CREB5: variants seen among roughly 807,000 people sequenced by gnomAD.
The protein encoded by CREB5 is cAMP responsive element binding protein 5.
A neutral mutation model predicts 57.1 loss-of-function variants in CREB5; 19 were observed. The ratio of observed to expected loss-of-function variants is 0.33; its 90% CI spans 0.23 to 0.49. The LOEUF is 0.49. CREB5 is among the 20% of genes least tolerant of loss of function. The pLI is 0.99. For synonymous variants in CREB5, 238 were observed against 238.3 expected (o/e 1.00, Z 0.01); for missense variants, 579 against 671.6 (o/e 0.86, Z 1.52).
At chr7:28,572,621 C>G (rs942273737) in intron 5 of CREB5, among the ~76,000 whole-genome samples, 12 of 152,200 alleles carry the variant, frequency 7.9e-5, no homozygotes, top group Non-Finnish European at 1.8e-4. Context: ...CCTGCCACCC[C>G]CCACCAACTA....
In CREB5 at chr7:28,800,638, C is replaced by T. The variant is rs759612062; in HGVS notation, c.703-3561C>T. ...GGAGATGAAGATGCTGAGCCCTGGA[C>T]AATCCTTTCTTTGCTGCAGATGAGG... On this transcript the variant is annotated intron_variant, in intron 7 of 10. Transcript: ENST00000357727. 6.2e-4 allele frequency among the ~76,000 whole-genome samples: 94 copies of T among 152,206 alleles called. 1 individual carries two copies. The highest frequency in any genetic ancestry group is 2.3e-3 in the Admixed American group (35 of 15,288).
At chr7:28,752,874 T>G (rs1805062499) in intron 7 of CREB5, among the ~76,000 whole-genome samples, 1 of 152,098 alleles carries the variant, frequency 6.6e-6, no homozygotes, top group Admixed American at 6.5e-5. Context: ...CTTCTACTCT[T>G]TATTCTTTTC....
rs146765348 is a variant in CREB5, at chr7:28,666,219, C to T, written c.465-52534C>T. 9.4e-3 allele frequency among the ~76,000 whole-genome samples: 1,428 copies of T among 152,282 alleles called. 18 individuals are homozygous for T. The highest frequency in any genetic ancestry group is 0.033 in the African/African-American group (1,365 of 41,548). On this transcript the variant is annotated intron_variant, in intron 5 of 10. Transcript: ENST00000357727. ...CCTCTGTGTGCTCAGCAACACCATT[C>T]AAGCTACAAAACACCTTAGGGATAT...
At chr7:28,746,923 G>C (rs1583660883) in intron 7 of CREB5, among the ~76,000 whole-genome samples, 1 of 152,348 alleles carries the variant, frequency 6.6e-6, no homozygotes, top group East Asian at 1.9e-4. Context: ...CAGGAAGGCT[G>C]ATGAAGGTGG....
intron 5 of CREB5, among the ~76,000 whole-genome samples, chr7:28,584,295 A>G (rs1479948511): frequency 6.6e-6 from 1 of 152,112 alleles, no homozygotes; most frequent in Non-Finnish European, 1.5e-5. Context: ...TCCCCTCAAA[A>G]ATATGTGTTG....
intron 5 of CREB5, among the ~76,000 whole-genome samples, chr7:28,573,250 T>C (rs537324620): frequency 2.1e-5 from 3 of 144,774 alleles, no homozygotes; most frequent in Non-Finnish European, 4.5e-5. Context: ...CATTTGAAAT[T>C]GCAGATAGCT....
Position 28,823,149 on chromosome 7 carries a change from G to A in CREB5, c.*3870G>A, listed in dbSNP as rs1809878463. 1.3e-5 allele frequency: 2 copies of A among 152,562 alleles called. No homozygotes were observed. The highest frequency in any genetic ancestry group is 2.9e-5 in the Non-Finnish European group (2 of 68,016). The allele number at this position is 152,562 out of a possible 1,614,324, so 9.5% of individuals were successfully genotyped here. ...AGCTGCGGTAACAGACAAGCCTTTG[G>A]CTGGGGAGTTTTAAGCCTCGGTAAC... On this transcript the variant is annotated 3_prime_UTR_variant, in exon 11 of 11. Coordinates refer to ENST00000357727, the MANE Select transcript of CREB5 (RefSeq NM_182898.4).
At position 28,560,811 on chromosome 7, in the gene CREB5, T is replaced by TGCGCGCGCGTGTGTGTGTGTGTGC. The variant is rs1795067380; in HGVS notation, c.292-9553_292-9552insCGCGCGCGTGTGTGTGTGTGTGCG. 8.7e-5 allele frequency among the ~76,000 whole-genome samples: 3 copies of TGCGCGCGCGTGTGTGTGTGTGTGC among 34,412 alleles called. 1 individual carries two copies. The highest frequency in any genetic ancestry group is 2.3e-4 in the Non-Finnish European group (3 of 12,946). The allele number at this position is 34,412 out of a possible 152,430, so 22.6% of individuals were successfully genotyped here. A position where few individuals can be genotyped will look rare whatever the true frequency, so the allele number is the denominator to read the frequency against. On this transcript the variant is annotated intron_variant, in intron 4 of 10. Coordinates refer to ENST00000357727, the MANE Select transcript of CREB5 (RefSeq NM_182898.4). ...TCTGCTTCCACAGTGTGTGTGCGCG[T>TGCGCGCGCGTGTGTGTGTGTGTGC]GTGTGTGTGTGCGCGCGCGCGCGTG...
chr7:28,430,531 G>A (rs146699980), intron 1 of CREB5, among the ~76,000 whole-genome samples: 4 of 152,292 alleles, frequency 2.6e-5, no homozygotes, highest in African/African-American at 7.2e-5. Context: ...ATGAGCGGCC[G>A]TTATGATTGA....
chr7:28,508,257 A>G (rs1792563688), intron 4 of CREB5, among the ~76,000 whole-genome samples: 1 of 152,234 alleles, frequency 6.6e-6, no homozygotes, highest in South Asian at 2.1e-4. Flanking sequence ...TTAAAAATGT[A>G]GGAAAATCAT....
intron 2 of CREB5, among the ~76,000 whole-genome samples, chr7:28,492,332 T>A (rs1343531936): frequency 1.3e-5 from 2 of 152,226 alleles, no homozygotes; most frequent in African/African-American, 4.8e-5. Context: ...TTCTTCGACA[T>A]TATCTTTGTC....
intron 5 of CREB5, among the ~76,000 whole-genome samples, chr7:28,658,979 A>ATATATATATATATATATATG (rs1491493080): frequency 1.1e-5 from 1 of 90,558 alleles, no homozygotes; most frequent in African/African-American, 3.3e-5. Context: ...ATATATATAT[A>ATATATATATATATATATATG]TGTATATATA....
intron 5 of CREB5, among the ~76,000 whole-genome samples, chr7:28,717,641 G>A (rs1802773609): frequency 6.6e-6 from 1 of 152,228 alleles, no homozygotes; most frequent in Admixed American, 6.5e-5. Context: ...TGCAACCTTT[G>A]CCCAGCACTT....
intron 1 of CREB5, among the ~76,000 whole-genome samples, chr7:28,377,220 CCA>C (rs1356645293): frequency 1.3e-5 from 2 of 152,222 alleles, no homozygotes; most frequent in East Asian, 3.9e-4. Context: ...AATATGGTAG[CCA>C]CCAGCCACAT....
chr7:28,640,508 T>C lies in CREB5; in HGVS notation c.464+69971T>C, dbSNP rs185110790. Among the ~76,000 whole-genome samples the C allele has an allele frequency of 2.4e-3, 364 of 152,356 alleles. 5 individuals are homozygous for C. Among genetic ancestry groups the C allele is most frequent in the Middle Eastern group, 0.01 (3 of 294 alleles). ...AAAAATGCCTCTTTTATATCATTTCTATCACATGACTGCTTGCGACAAAAT... is the reference window on the plus strand; with the variant it reads ...AAAAATGCCTCTTTTATATCATTTCCATCACATGACTGCTTGCGACAAAAT... On this transcript the variant is annotated intron_variant, in intron 5 of 10. Coordinates refer to ENST00000357727, the MANE Select transcript of CREB5 (RefSeq NM_182898.4).
Position 28,535,930 on chromosome 7 carries a change from A to G in CREB5, c.291+28193A>G, listed in dbSNP as rs143265350. On this transcript the variant is annotated intron_variant, in intron 4 of 10. Coordinates refer to ENST00000357727, the MANE Select transcript of CREB5 (RefSeq NM_182898.4). ...TTCCAATCTAAAAGGACGGAAAATG[A>G]AAAAAAGAGAAAACTGTGTTACAAC... Among the ~76,000 whole-genome samples, 101 of 152,268 alleles carry G rather than the reference A, an allele frequency of 6.6e-4. No homozygotes were observed. In the Middle Eastern group the frequency reaches 0.01, roughly 15 times the overall value.
chr7:28,524,368 G>A (rs193133620), intron 4 of CREB5, among the ~76,000 whole-genome samples: 1 of 144,718 alleles, frequency 6.9e-6, no homozygotes, highest in East Asian at 2.1e-4. Flanking sequence ...CACGGCAGAT[G>A]TGGTGGCACA....
At chr7:28,491,237 G>C in intron 2 of CREB5, 1 of 985,482 alleles carries the variant, frequency 1.0e-6, no homozygotes. Context: ...AGTTTGTCAA[G>C]AACAAGAAAC....
At chr7:28,736,853 C>G (rs1804012039) in intron 7 of CREB5, among the ~76,000 whole-genome samples, 1 of 149,592 alleles carries the variant, frequency 6.7e-6, no homozygotes, top group Admixed American at 6.7e-5. Context: ...ACAGTAGGCC[C>G]CTGATGTTCC....
Sources: allele counts gnomAD v4.1 joint callset (sites outside exome capture counted in the v4.1 genomes callset), GRCh38; gene constraint gnomAD v4.1.1; transcripts MANE v1.5; gene names NCBI Gene and HGNC (gene_info 2026-07-23, HGNC 2026-07-21).